ZFR: variants seen among roughly 807,000 people sequenced by gnomAD.
ZFR encodes zinc finger RNA-binding protein.
A neutral mutation model predicts 130.7 loss-of-function variants in ZFR; 19 were observed. The ratio of observed to expected loss-of-function variants is 0.15; its 90% CI spans 0.10 to 0.21. ZFR has a LOEUF of 0.21. ZFR is among the 10% of genes least tolerant of loss of function. ZFR has a pLI of 1.00. For synonymous variants in ZFR, 466 were observed against 456.9 expected, an observed-to-expected ratio of 1.02 and a Z score of -0.25; for missense variants, 872 against 1,321.5, an observed-to-expected ratio of 0.66 and a Z score of 5.27.
intron 15 of ZFR, chr5:32,383,729 C>A (rs780763459): frequency 4.4e-6 from 2 of 456,502 alleles, no homozygotes; most frequent in South Asian, 3.1e-5. Context: ...AGACACAGAG[C>A]ACTGGGAGCT....
intron 10 of ZFR, among the ~76,000 whole-genome samples, chr5:32,396,121 C>T (rs912716497): frequency 2.0e-5 from 3 of 149,620 alleles, no homozygotes; most frequent in African/African-American, 4.9e-5. Flanking sequence ...TGGGAGGCTG[C>T]GGTGGGAGGA....
chr5:32,360,536 C>T (rs986214631), intron 19 of ZFR, among the ~76,000 whole-genome samples: 22 of 152,282 alleles, frequency 1.4e-4, no homozygotes, highest in African/African-American at 4.8e-4. Flanking sequence ...AATATTCTAA[C>T]GTATGACTGT....
At chr5:32,385,700 C>G in intron 14 of ZFR, 51 bp from the exon 15 acceptor site, 2 of 1,596,408 alleles carry the variant, frequency 1.3e-6, no homozygotes, top group Non-Finnish European at 1.7e-6. Flanking sequence ...TATTAACAAA[C>G]AAAAGCACTT....
intron 5 of ZFR, among the ~76,000 whole-genome samples, chr5:32,410,994 T>C (rs1433147887): frequency 6.6e-6 from 1 of 152,250 alleles, no homozygotes; most frequent in Non-Finnish European, 1.5e-5. Flanking sequence ...CCTAGTGCTG[T>C]TTCCAGTTTC....
intron 19 of ZFR, among the ~76,000 whole-genome samples, chr5:32,358,357 A>C (rs1233149681): frequency 6.6e-6 from 1 of 152,226 alleles, no homozygotes; most frequent in Non-Finnish European, 1.5e-5. Flanking sequence ...ACTGTCTCAA[A>C]AAATAAAAAA....
intron 6 of ZFR, among the ~76,000 whole-genome samples, chr5:32,406,429 G>T (rs1753581039): frequency 6.6e-6 from 1 of 152,150 alleles, no homozygotes; most frequent in African/African-American, 2.4e-5. Context: ...GCTTTGGCAA[G>T]TAAGTTACAG....
chr5:32,436,072 C>CTCTCTGT (rs2111865383), intron 2 of ZFR, among the ~76,000 whole-genome samples: 1 of 151,280 alleles, frequency 6.6e-6, no homozygotes, highest in South Asian at 2.1e-4. Context: ...ATTCTCCTGG[C>CTCTCTGT]TCTCTGTTCA....
chr5:32,419,596 T>TC (rs1256638857), intron 3 of ZFR, among the ~76,000 whole-genome samples: 4 of 152,080 alleles, frequency 2.6e-5, no homozygotes, highest in Admixed American at 2.0e-4. Flanking sequence ...CCTTGGCCTC[T>TC]CAAAGTGCTG....
intron 6 of ZFR, among the ~76,000 whole-genome samples, chr5:32,404,721 C>A (rs1464701329): frequency 3.3e-5 from 5 of 152,164 alleles, no homozygotes; most frequent in Non-Finnish European, 2.9e-5. Flanking sequence ...TATTAAAAAT[C>A]ATTGTGAATG....
At chr5:32,431,331 G>A (rs1255730384) in intron 2 of ZFR, among the ~76,000 whole-genome samples, 1 of 152,116 alleles carries the variant, frequency 6.6e-6, no homozygotes, top group Non-Finnish European at 1.5e-5. Context: ...GACTGATCAA[G>A]TTTAAAATAT....
chr5:32,411,713 G>GGA (rs1753715686), intron 5 of ZFR, among the ~76,000 whole-genome samples: 2 of 88,440 alleles, frequency 2.3e-5, no homozygotes, highest in African/African-American at 8.9e-5. Context: ...AAATTGAGGG[G>GGA]GGGCGGGGAA....
chr5:32,409,052 A>G (rs1246154727), intron 5 of ZFR, among the ~76,000 whole-genome samples: 1 of 152,156 alleles, frequency 6.6e-6, no homozygotes, highest in African/African-American at 2.4e-5. Context: ...TGCAGTCTGC[A>G]TTTGAGAGAC....
intron 17 of ZFR, among the ~76,000 whole-genome samples, chr5:32,369,238 C>T (rs1054917955): frequency 6.6e-6 from 1 of 152,016 alleles, no homozygotes; most frequent in African/African-American, 2.4e-5. Context: ...GTTCTTTGCC[C>T]TGAGATGTCA....
intron 19 of ZFR, among the ~76,000 whole-genome samples, chr5:32,358,730 G>T (rs550933802): frequency 6.6e-6 from 1 of 152,016 alleles, no homozygotes; most frequent in East Asian, 1.9e-4. Context: ...AAAGGGGAGG[G>T]GGGAAGTTCA....
chr5:32,363,317 TTC>T, intron 19 of ZFR, among the ~76,000 whole-genome samples: 1 of 152,212 alleles, frequency 6.6e-6, no homozygotes, highest in East Asian at 1.9e-4. Context: ...TCAATGTTTT[TTC>T]TTTTTCATAA....
chr5:32,396,747 A>T (rs1753323454), intron 10 of ZFR, among the ~76,000 whole-genome samples: 1 of 140,306 alleles, frequency 7.1e-6, no homozygotes, highest in Admixed American at 7.0e-5. Context: ...CCATCTCATT[A>T]AAAAAAAAAA....
intron 5 of ZFR, among the ~76,000 whole-genome samples, chr5:32,411,647 C>T (rs1753710657): frequency 7.4e-5 from 10 of 135,628 alleles, no homozygotes; most frequent in Admixed American, 5.7e-4. Flanking sequence ...CGAGATTGCG[C>T]CACTGCACCC....
chr5:32,414,982 T>A lies in ZFR; in HGVS notation c.771A>T (p.Ala257=). The A allele has an allele frequency of 6.2e-7, 1 of 1,613,438 alleles. No individual in the cohort carries two copies. The change falls in exon 5 of 20, where the codon GCA becomes GCT. Residue 257 remains alanine (A), a synonymous_variant. Coordinates refer to ENST00000265069, the MANE Select transcript of ZFR (RefSeq NM_016107.5). The stretch of plus-strand genomic sequence containing the variant: ...TATCAGTCTTACCAGAATATGTAAC[T>A]GCTGTGGTACTGTAAGTAGCACTCT... ...YTQSATYSTT[A]VTYSGTSYSG...
intron 2 of ZFR, among the ~76,000 whole-genome samples, chr5:32,436,535 C>G (rs567959709): frequency 6.6e-6 from 1 of 152,154 alleles, no homozygotes; most frequent in Non-Finnish European, 1.5e-5. Context: ...TGTACTTTCT[C>G]TAGTTTCATC....
Sources: gnomAD v4.1 joint callset for allele counts (sites outside exome capture counted in the v4.1 genomes callset) on GRCh38, gnomAD v4.1.1 for gene constraint, MANE v1.5 for transcripts, NCBI Gene and HGNC (gene_info 2026-07-23, HGNC 2026-07-21) for gene names.